The following LSP1 variants were observed in gnomAD, a reference collection of about 807,000 sequenced individuals.
The protein encoded by LSP1 is lymphocyte specific protein 1.
A neutral mutation model predicts 49.3 loss-of-function variants in LSP1; 32 were observed. The ratio of observed to expected loss-of-function variants is 0.65; its 90% CI spans 0.49 to 0.87. LSP1 has a LOEUF of 0.87. Among genes scored for constraint, LSP1 ranks in the 40% least tolerant of loss-of-function variants. The pLI is 0.00. For missense variants in LSP1, 428 were observed against 442.6 expected, an observed-to-expected ratio of 0.97 and a Z score of 0.30; for synonymous variants, 179 against 178.8, an observed-to-expected ratio of 1.00 and a Z score of -0.01.
At position 1,883,410 on chromosome 11, in the gene LSP1, C is replaced by G; in HGVS notation, c.357-9C>G. 3.1e-6 allele frequency: 5 copies of G among 1,613,792 alleles called. No homozygotes were observed. Among genetic ancestry groups the G allele is most frequent in the Non-Finnish European group, 4.2e-6 (5 of 1,179,860 alleles). ...CCTAGAACGGCTTTGCCTCCCTTTC[C>G]ACCCACAGGCCCGGCCTGCATGCCT... is the stretch of plus-strand genomic sequence containing the variant. On this transcript the variant is annotated splice_polypyrimidine_tract_variant and intron_variant, in intron 3 of 10. Coordinates refer to ENST00000311604, the MANE Select transcript of LSP1 (RefSeq NM_002339.3).
At chr11:1,882,613 C>T (rs549437963) in intron 3 of LSP1, among the ~76,000 whole-genome samples, 2 of 152,114 alleles carry the variant, frequency 1.3e-5, no homozygotes, top group Admixed American at 1.3e-4. Flanking sequence ...GAGGCTGCTC[C>T]CACCAGCAGG....
chr11:1,863,656 CG>C (rs1256843852), intron 1 of LSP1: 1 of 152,298 alleles, frequency 6.6e-6, no homozygotes, highest in East Asian at 1.9e-4. Flanking sequence ...CTCGTCCGTC[CG>C]GCCACTAGCC....
intron 1 of LSP1, among the ~76,000 whole-genome samples, chr11:1,872,142 G>A (rs1848049357): frequency 1.4e-5 from 2 of 141,476 alleles, no homozygotes; most frequent in South Asian, 4.6e-4. Flanking sequence ...GGCCTGGGCT[G>A]CAGTCACCCT....
At chr11:1,866,817 GC>G (rs1327097453) in intron 1 of LSP1, 3 of 1,549,972 alleles carry the variant, frequency 1.9e-6, no homozygotes, top group African/African-American at 2.7e-5. Flanking sequence ...GAGGGGCAGA[GC>G]CCCTGCCTGG....
intron 1 of LSP1, among the ~76,000 whole-genome samples, chr11:1,878,216 C>A (rs549581825): frequency 1.9e-4 from 29 of 152,204 alleles, no homozygotes; most frequent in Admixed American, 1.2e-3. Context: ...TCCACCTCCT[C>A]AACACTCTGC....
At chr11:1,879,618 G>A (rs542286543) in intron 1 of LSP1, among the ~76,000 whole-genome samples, 10 of 152,356 alleles carry the variant, frequency 6.6e-5, no homozygotes, top group African/African-American at 1.9e-4. Flanking sequence ...GGGAGCACCC[G>A]CAGGTGGGGT....
At chr11:1,857,340 G>A (rs1185455461) in intron 1 of LSP1, among the ~76,000 whole-genome samples, 3 of 152,220 alleles carry the variant, frequency 2.0e-5, no homozygotes, top group Admixed American at 1.3e-4. Context: ...GGCCCTGGCC[G>A]GTGACACCCT....
chr11:1,890,385 G>T, intron 10 of LSP1: 1 of 716,952 alleles, frequency 1.4e-6, no homozygotes, highest in Non-Finnish European at 2.6e-6. Context: ...ACTCACGGGG[G>T]ACAGGGAGGT....
intron 1 of LSP1, among the ~76,000 whole-genome samples, chr11:1,866,240 T>C (rs1290459769): frequency 6.6e-6 from 1 of 152,162 alleles, no homozygotes; most frequent in East Asian, 1.9e-4. Flanking sequence ...TGCTCTGACT[T>C]CCTTTGATGG....
chr11:1,857,781 G>C (rs1310108467), intron 1 of LSP1, among the ~76,000 whole-genome samples: 1 of 152,146 alleles, frequency 6.6e-6, no homozygotes, highest in Non-Finnish European at 1.5e-5. Context: ...TTGAGACAGA[G>C]TCTCGCTCTG....
intron 1 of LSP1, among the ~76,000 whole-genome samples, chr11:1,874,076 A>G (rs1341334665): frequency 1.8e-4 from 16 of 88,744 alleles, no homozygotes; most frequent in Admixed American, 2.8e-4. Flanking sequence ...CCGGCAGAGG[A>G]GGGAGGCCGG....
chr11:1,869,173 C>T (rs567199852), intron 1 of LSP1: 338 of 241,720 alleles, frequency 1.4e-3, no homozygotes, highest in African/African-American at 7.1e-3. Context: ...GCTTGAGGGT[C>T]GGCTGCTACC....
chr11:1,876,948 G>A (rs552971071), intron 1 of LSP1, among the ~76,000 whole-genome samples: 1 of 152,120 alleles, frequency 6.6e-6, no homozygotes, highest in African/African-American at 2.4e-5. Context: ...GGTGGATGGA[G>A]CCCCCCCACC....
intron 1 of LSP1, 135 bp from the exon 2 acceptor site, chr11:1,879,952 G>A (rs991259796): frequency 4.1e-5 from 43 of 1,060,514 alleles, no homozygotes; most frequent in African/African-American, 1.8e-4. Context: ...CCTGAGGGCC[G>A]GCCTGGGACT....
chr11:1,883,034 T>A (rs1212936543), intron 3 of LSP1, among the ~76,000 whole-genome samples: 2 of 152,176 alleles, frequency 1.3e-5, no homozygotes, highest in African/African-American at 4.8e-5. Context: ...GCAGGAGTGG[T>A]GGCCCCAGCA....
intron 3 of LSP1, among the ~76,000 whole-genome samples, 172 bp downstream of exon 3, chr11:1,881,768 C>T (rs1848557604): frequency 2.0e-5 from 3 of 152,132 alleles, no homozygotes; most frequent in Admixed American, 2.0e-4. Context: ...AGCAGCCACC[C>T]CATCCTCCCC....
chr11:1,884,669 T>C lies in LSP1; in HGVS notation c.717+88T>C. On this transcript the variant is annotated intron_variant, in intron 7 of 10. Coordinates refer to ENST00000311604, the MANE Select transcript of LSP1 (RefSeq NM_002339.3). The surrounding 1 kb of genome is among the most constrained non-coding windows in gnomAD (Gnocchi z 4.1). ...AACCAACGCCCTTCCATCCAATCAG[T>C]GCCGCCTTATTCAACCAACACCCTA... 1 of 1,140,658 alleles carries C rather than the reference T, an allele frequency of 8.8e-7. No homozygotes were observed. Among genetic ancestry groups the C allele is most frequent in the East Asian group, 2.4e-5 (1 of 40,936 alleles). 70.7% of individuals were successfully genotyped at this position (1,140,658 alleles called of 1,614,324 possible).
At chr11:1,882,373 A>G (rs1848581000) in intron 3 of LSP1, among the ~76,000 whole-genome samples, 2 of 151,964 alleles carry the variant, frequency 1.3e-5, no homozygotes, top group Admixed American at 6.5e-5. Flanking sequence ...GGCCCCTCTG[A>G]GGCCCTAAAC....
chr11:1,881,413 T>TC lies in LSP1; in HGVS notation c.192-13dup. 6.4e-7 allele frequency: 1 copy of TC among 1,553,078 alleles called. No homozygotes were observed. ...AGGCAGCAGCCGCCCAGGCCTAAGC[T>TC]CCCCCCTGCTACCCTCAGCCTCAGC... On this transcript the variant is annotated intron_variant, in intron 2 of 10. Transcript: ENST00000311604.
Sources: gnomAD v4.1 joint callset for allele counts (sites outside exome capture counted in the v4.1 genomes callset) on GRCh38, gnomAD v4.1.1 for gene constraint, Gnocchi (gnomAD v3.1) non-coding constraint, MANE v1.5 for transcripts, NCBI Gene and HGNC (gene_info 2026-07-23, HGNC 2026-07-21) for gene names.